RMST: variants seen among roughly 807,000 people sequenced by gnomAD.
RMST encodes the protein long intergenic non-protein coding RNA 54.
chr12:97,541,764 C>CT (rs1882557549), intron 11 of RMST, among the ~76,000 whole-genome samples: 2 of 150,942 alleles, frequency 1.3e-5, no homozygotes, highest in Admixed American at 1.3e-4. Context: ...TCTTCCTTTC[C>CT]TTTTTATAAG....
intron 5 of RMST, among the ~76,000 whole-genome samples, chr12:97,467,561 C>T (rs1873345999): frequency 6.6e-6 from 1 of 151,930 alleles, no homozygotes; most frequent in Admixed American, 6.6e-5. Flanking sequence ...TAAAATTAAG[C>T]TCTGGCATCT....
intron 10 of RMST, among the ~76,000 whole-genome samples, chr12:97,503,323 C>T (rs1397689204): frequency 6.6e-6 from 1 of 152,086 alleles, no homozygotes; most frequent in African/African-American, 2.4e-5. Flanking sequence ...TATACTGACT[C>T]AATTTTATCG....
chr12:97,479,015 C>T (rs186836144), intron 5 of RMST, among the ~76,000 whole-genome samples: 118 of 152,110 alleles, frequency 7.8e-4, no homozygotes, highest in Admixed American at 1.2e-3. Flanking sequence ...TCTTTTGTCC[C>T]AAATGCCCTC....
At chr12:97,542,047 A>C (rs1431435658) in intron 11 of RMST, among the ~76,000 whole-genome samples, 1 of 151,908 alleles carries the variant, frequency 6.6e-6, no homozygotes, top group Non-Finnish European at 1.5e-5. Flanking sequence ...ACATTCATTC[A>C]TGTATTCCTT....
intron 5 of RMST, among the ~76,000 whole-genome samples, chr12:97,479,970 C>T (rs540946654): frequency 6.6e-6 from 1 of 152,266 alleles, no homozygotes; most frequent in African/African-American, 2.4e-5. Context: ...GCTGTCGACT[C>T]ATTCATCTAA....
chr12:97,467,928 G>A (rs946253160), intron 5 of RMST, among the ~76,000 whole-genome samples: 3 of 151,976 alleles, frequency 2.0e-5, no homozygotes, highest in South Asian at 2.1e-4. Context: ...GATTTTCTTA[G>A]TAGTAGCCAG....
chr12:97,484,944 A>C (rs1242374261), intron 5 of RMST, among the ~76,000 whole-genome samples: 1 of 152,098 alleles, frequency 6.6e-6, no homozygotes. Context: ...CTGGTGCATC[A>C]GGGTCAGACA....
At chr12:97,534,994 C>A (rs1403765902) in intron 11 of RMST, among the ~76,000 whole-genome samples, 1 of 151,524 alleles carries the variant, frequency 6.6e-6, no homozygotes, top group South Asian at 2.1e-4. Context: ...GGAGAGATAG[C>A]AAGTGGCAGA....
chr12:97,512,161 G>A (rs1879400588), intron 10 of RMST, among the ~76,000 whole-genome samples: 1 of 152,138 alleles, frequency 6.6e-6, no homozygotes, highest in Non-Finnish European at 1.5e-5. Flanking sequence ...CAGGAGTGAA[G>A]CTGCAGACTT....
At chr12:97,512,514 A>T (rs1442206145) in intron 10 of RMST, among the ~76,000 whole-genome samples, 2 of 152,202 alleles carry the variant, frequency 1.3e-5, no homozygotes, top group Non-Finnish European at 2.9e-5. Context: ...TGAGCTAGAC[A>T]CAAAGGTTCT....
At chr12:97,561,090 A>T (rs533515774) in intron 13 of RMST, 1 of 152,338 alleles carries the variant, frequency 6.6e-6, no homozygotes, top group East Asian at 1.9e-4. Flanking sequence ...TTAGCGTATA[A>T]TCATTTTCTC....
chr12:97,486,198 T>G (rs945654954), intron 5 of RMST, among the ~76,000 whole-genome samples: 2 of 152,184 alleles, frequency 1.3e-5, no homozygotes, highest in Non-Finnish European at 2.9e-5. Flanking sequence ...CGCCTTTGTC[T>G]GATAAAAAGA....
intron 11 of RMST, among the ~76,000 whole-genome samples, chr12:97,555,195 G>A (rs987348208): frequency 6.6e-6 from 1 of 152,062 alleles, no homozygotes. Context: ...CTCCTTTCAA[G>A]TAAAAAGAAA....
chr12:97,555,803 C>T (rs1565939610), intron 11 of RMST, among the ~76,000 whole-genome samples: 1 of 152,174 alleles, frequency 6.6e-6, no homozygotes, highest in African/African-American at 2.4e-5. Flanking sequence ...AAATATTTTT[C>T]TGACCTTTTC....
intron 10 of RMST, among the ~76,000 whole-genome samples, chr12:97,515,007 C>T (rs953094112): frequency 5.3e-5 from 8 of 152,076 alleles, no homozygotes; most frequent in Non-Finnish European, 1.2e-4. Flanking sequence ...AAAGCTAAAG[C>T]TATGATATTG....
chr12:97,548,351 G>A (rs1197075168), intron 11 of RMST, among the ~76,000 whole-genome samples: 1 of 151,952 alleles, frequency 6.6e-6, no homozygotes, highest in Non-Finnish European at 1.5e-5. Flanking sequence ...TGTTCTTTTT[G>A]CTTAAGATTG....
At chr12:97,522,203 A>G (rs1432772510) in intron 10 of RMST, among the ~76,000 whole-genome samples, 1 of 152,240 alleles carries the variant, frequency 6.6e-6, no homozygotes, top group East Asian at 1.9e-4. Context: ...AGTGCATGTT[A>G]CTATATGAGA....
intron 5 of RMST, among the ~76,000 whole-genome samples, chr12:97,466,651 C>G (rs1407336741): frequency 1.3e-5 from 2 of 152,042 alleles, no homozygotes; most frequent in African/African-American, 4.8e-5. Flanking sequence ...TGATGACTTT[C>G]ATTTTAAGGT....
chr12:97,542,064 G>A (rs1369063272), intron 11 of RMST, among the ~76,000 whole-genome samples: 1 of 151,840 alleles, frequency 6.6e-6, no homozygotes, highest in Admixed American at 6.6e-5. Context: ...CCTTCAACAA[G>A]CATTTATTCC....
Sources: allele counts gnomAD v4.1 joint callset (sites outside exome capture counted in the v4.1 genomes callset), GRCh38; gene constraint gnomAD v4.1.1; transcripts MANE v1.5; gene names NCBI Gene and HGNC (gene_info 2026-07-23, HGNC 2026-07-21).